Variants in GATAD2A observed in about 807,000 individuals in gnomAD.
The protein encoded by GATAD2A is transcriptional repressor p66-alpha.
GATAD2A carries 12 observed loss-of-function variants against 68.5 expected under a neutral mutation model. The observed-to-expected ratio is 0.18, with a 90% confidence interval of 0.11 to 0.28. The LOEUF (loss-of-function observed/expected upper bound fraction) is 0.28. Among genes scored for constraint, GATAD2A ranks in the 10% least tolerant of loss-of-function variants. The pLI is 1.00. For synonymous variants in GATAD2A, 410 were observed against 375.3 expected, an observed-to-expected ratio of 1.09 and a Z score of -1.07; for missense variants, 755 against 868.5, an observed-to-expected ratio of 0.87 and a Z score of 1.64.
intron 1 of GATAD2A, 147 bp downstream of exon 1, chr19:19,406,166 A>G (rs1284881695): frequency 6.7e-6 from 1 of 150,210 alleles, no homozygotes; most frequent in Non-Finnish European, 1.5e-5. Context: ...AGCGAGTTCT[A>G]CTCCTTGTAT....
In GATAD2A at chr19:19,492,720, C is replaced by T. The variant is rs1409818257; in HGVS notation, c.534+8C>T. ...GAAGCCACCGCCCAGAAGGTGCGTG[C>T]CTGTCTCCCCTCCTTCCTGGGCCAG... On this transcript the variant is annotated splice_region_variant and intron_variant, in intron 4 of 11. Transcript: ENST00000683918. The T allele has an allele frequency of 6.2e-7, 1 of 1,613,762 alleles. No individual in the cohort carries two copies. Among genetic ancestry groups the T allele is most frequent in the Non-Finnish European group, 8.5e-7 (1 of 1,179,888 alleles).
At position 19,442,740 on chromosome 19, in the gene GATAD2A, G is replaced by A. The variant is rs374557077; in HGVS notation, c.-6-22600G>A. On this transcript the variant is annotated intron_variant, in intron 1 of 11. Coordinates refer to ENST00000683918, the MANE Select transcript of GATAD2A (RefSeq NM_001384528.1). The stretch of plus-strand genomic sequence containing the variant: ...GCCTGAGCTCAGGAGTTGGAGTCTA[G>A]CCTGAGCAATGTAGCAGGACCCCCC... Among the ~76,000 whole-genome samples, 17 of 148,236 alleles carry A rather than the reference G, an allele frequency of 1.1e-4. No homozygotes were observed. In the East Asian group the frequency reaches 3.0e-3, roughly 26 times the overall value.
At chr19:19,486,280 C>T (rs543349669) in intron 2 of GATAD2A, among the ~76,000 whole-genome samples, 2 of 152,336 alleles carry the variant, frequency 1.3e-5, no homozygotes, top group East Asian at 1.9e-4. Flanking sequence ...AGCTGCAAGG[C>T]GAAGGCACGG....
Position 19,501,436 on chromosome 19 carries a change from G to T in GATAD2A, c.1503+20G>T. On this transcript the variant is annotated intron_variant, in intron 9 of 11. Coordinates refer to ENST00000683918, the MANE Select transcript of GATAD2A (RefSeq NM_001384528.1). ...AAGCAGGTGAGCCTGGCCTGCTGCCGGCAGTGCCGTCCCTAGGAGGCAGAG... is the reference window on the plus strand; with the variant it reads ...AAGCAGGTGAGCCTGGCCTGCTGCCTGCAGTGCCGTCCCTAGGAGGCAGAG... 6.4e-7 allele frequency: 1 copy of T among 1,558,670 alleles called. No individual in the cohort carries two copies. Among genetic ancestry groups the T allele is most frequent in the East Asian group, 2.4e-5 (1 of 41,562 alleles).
At chr19:19,476,679 C>T (rs1175979455) in intron 2 of GATAD2A, among the ~76,000 whole-genome samples, 1 of 152,164 alleles carries the variant, frequency 6.6e-6, no homozygotes, top group East Asian at 1.9e-4. Context: ...GAGCGAAGGG[C>T]AGTGGGCGCC....
intron 1 of GATAD2A, chr19:19,427,731 T>C (rs1212783997): frequency 6.5e-6 from 1 of 154,428 alleles, no homozygotes; most frequent in African/African-American, 2.4e-5. Flanking sequence ...TGGAGTGCAG[T>C]GGTATGATCT....
Position 19,429,044 on chromosome 19 carries a change from C to T in GATAD2A, c.-7+23025C>T, listed in dbSNP as rs573209434. ...TTTTTTTTTTTTTTTTGCCTCCAGC[C>T]GGTGGTAGAAACCTCTTGGTTGGGT... is the stretch of plus-strand genomic sequence containing the variant. On this transcript the variant is annotated intron_variant, in intron 1 of 11. Transcript: ENST00000683918. Among the ~76,000 whole-genome samples the T allele has an allele frequency of 2.0e-4, 30 of 150,048 alleles. No homozygotes were observed. In the South Asian group the frequency reaches 5.5e-3, roughly 27 times the overall value.
intron 2 of GATAD2A, among the ~76,000 whole-genome samples, chr19:19,491,748 G>GA (rs2059804810): frequency 6.6e-6 from 1 of 152,216 alleles, no homozygotes. Flanking sequence ...GTCTTCTGGG[G>GA]ACAGGTTGGC....
intron 8 of GATAD2A, among the ~76,000 whole-genome samples, chr19:19,500,226 G>A (rs766341653): frequency 3.5e-4 from 54 of 152,314 alleles, no homozygotes; most frequent in Admixed American, 6.5e-4. Context: ...CGCCGCTCAC[G>A]CTGGCCATGG....
intron 1 of GATAD2A, among the ~76,000 whole-genome samples, chr19:19,440,738 C>G (rs1299848020): frequency 1.3e-5 from 2 of 152,124 alleles, no homozygotes; most frequent in African/African-American, 4.8e-5. Flanking sequence ...CCCTTAAAAA[C>G]CAAAGACAAA....
chr19:19,489,347 C>G (rs868786454), intron 2 of GATAD2A, among the ~76,000 whole-genome samples: 1 of 152,188 alleles, frequency 6.6e-6, no homozygotes, highest in African/African-American at 2.4e-5. Context: ...ATGAAGGCTG[C>G]GTGTCACAAA....
intron 2 of GATAD2A, among the ~76,000 whole-genome samples, chr19:19,486,744 G>A (rs1171750053): frequency 1.3e-5 from 2 of 152,220 alleles, no homozygotes; most frequent in African/African-American, 4.8e-5. Context: ...CAGCAGGGCT[G>A]CCTGATCCCC....
In GATAD2A at chr19:19,465,600, G is replaced by T. The variant is rs776421542; in HGVS notation, c.255G>T (p.Met85Ile). 6.2e-7 allele frequency: 1 copy of T among 1,610,006 alleles called. No individual in the cohort carries two copies. The highest frequency in any genetic ancestry group is 1.1e-5 in the South Asian group (1 of 90,736). Reference sequence around the variant, plus strand: ...TGGTGGGCGATGGGCCCGTGGACATGCGCACCTCACACAGGTGAGTGGGAG... The same window carrying T: ...TGGTGGGCGATGGGCCCGTGGACATTCGCACCTCACACAGGTGAGTGGGAG... The part of the protein sequence containing the change: ...EGLVGDGPVD[M>I]RTSHSDMKSE... The change falls in exon 2 of 12, where the codon ATG (methionine) becomes ATT (isoleucine). Residue 85 changes from methionine to isoleucine, a missense_variant. By Grantham distance (10) the Met-to-Ile change is conservative. Transcript: ENST00000683918.
At position 19,490,003 on chromosome 19, in the gene GATAD2A, G is replaced by A. The variant is rs554446270; in HGVS notation, c.270-2303G>A. On this transcript the variant is annotated intron_variant, in intron 2 of 11. Transcript: ENST00000683918. The stretch of plus-strand genomic sequence containing the variant: ...AGTCGATCTTGGGCGGCATGGGGCC[G>A]GCAGCAAGGAGAGACATGCTGGCGG... Among the ~76,000 whole-genome samples, 10 of 152,210 alleles carry A rather than the reference G, an allele frequency of 6.6e-5. No individual in the cohort carries two copies. In the South Asian group the frequency reaches 8.3e-4, roughly 13 times the overall value.
chr19:19,450,763 CTCTT>C (rs1323062471), intron 1 of GATAD2A, among the ~76,000 whole-genome samples: 1 of 138,618 alleles, frequency 7.2e-6, no homozygotes, highest in Non-Finnish European at 1.6e-5. Context: ...AAAAAAAAAA[CTCTT>C]TTTTTTTGTT....
chr19:19,503,857 C>T (rs1021282838), intron 11 of GATAD2A, among the ~76,000 whole-genome samples: 7 of 152,118 alleles, frequency 4.6e-5, no homozygotes, highest in African/African-American at 1.7e-4. Flanking sequence ...GGGTTGGTTC[C>T]TAAGAACATT....
chr19:19,492,594 A>G lies in GATAD2A; in HGVS notation c.416A>G (p.Glu139Gly). 6.2e-7 allele frequency: 1 copy of G among 1,614,230 alleles called. No individual in the cohort carries two copies. The highest frequency in any genetic ancestry group is 1.6e-4 in the Middle Eastern group (1 of 6,062). Residue 139 changes from glutamate (E) to glycine (G), a missense_variant, in exon 4 of 12, where the codon GAA becomes GGA. Physicochemically the swap from Glu to Gly is moderately conservative, Grantham distance 98. Coordinates refer to ENST00000683918, the MANE Select transcript of GATAD2A (RefSeq NM_001384528.1). ...STEALMKSSP[E>G]ERERMIKQLK... is the part of the protein sequence containing the mutation. ...TCGCCCCTGCAGAAAAGCAGTCCTG[A>G]AGAACGAGAAAGGATGATCAAGCAG...
At chr19:19,494,412 T>C (rs758859587) in intron 5 of GATAD2A, 29 bp downstream of exon 5, 1 of 1,398,234 alleles carries the variant, frequency 7.2e-7, no homozygotes, top group Admixed American at 1.7e-5. Context: ...TCTCACTGGG[T>C]GCCCTGCTGG....
chr19:19,496,009 G>T lies in GATAD2A; in HGVS notation c.757-43G>T. ...TGCCTTCCGGTCCCGCTCCATTGTT[G>T]ATCTCAGTCAGATTTCTTGTTCTCC... On this transcript the variant is annotated intron_variant, in intron 6 of 11. Transcript: ENST00000683918. The T allele has an allele frequency of 6.2e-7, 1 of 1,601,764 alleles. No individual in the cohort carries two copies. Among genetic ancestry groups the T allele is most frequent in the Non-Finnish European group, 8.5e-7 (1 of 1,170,134 alleles).
Sources: allele counts gnomAD v4.1 joint callset (sites outside exome capture counted in the v4.1 genomes callset), GRCh38; gene constraint gnomAD v4.1.1; transcripts MANE v1.5; gene names NCBI Gene and HGNC (gene_info 2026-07-23, HGNC 2026-07-21).